Variants in RSPH10B observed in about 807,000 individuals in gnomAD.
RSPH10B encodes radial spoke head 10 homolog B, also known as radial spoke head 10 homolog B (Chlamydomonas).
A neutral mutation model predicts 52.5 loss-of-function variants in RSPH10B; 7 were observed. The ratio of observed to expected loss-of-function variants is 0.13; its 90% CI spans 0.08 to 0.25. The LOEUF is 0.25. RSPH10B is among the 10% of genes least tolerant of loss of function. The pLI is 1.00. For synonymous variants in RSPH10B, 28 were observed against 193.2 expected (o/e 0.14, Z 7.09); for missense variants, 89 against 542.5 (o/e 0.16, Z 8.30).
At chr7:5,932,343 TGA>T (rs1779820511) in intron 17 of RSPH10B, among the ~76,000 whole-genome samples, 2 of 118,896 alleles carry the variant, frequency 1.7e-5, no homozygotes, top group Non-Finnish European at 3.7e-5. Context: ...ATGAGACCCT[TGA>T]GAGAGAAAAG....
intron 18 of RSPH10B, among the ~76,000 whole-genome samples, chr7:5,927,678 G>C (rs553086420): frequency 6.8e-6 from 1 of 147,058 alleles, no homozygotes; most frequent in Admixed American, 6.8e-5. Context: ...ACTCACCCCT[G>C]TGACCCCAGC....
intron 18 of RSPH10B, among the ~76,000 whole-genome samples, chr7:5,927,071 TGTGTGTG>T (rs1779512992): frequency 3.4e-4 from 9 of 26,554 alleles, no homozygotes; most frequent in African/African-American, 4.6e-4. Flanking sequence ...TGTGTGTATA[TGTGTGTG>T]TGTGTGTGTG....
chr7:5,929,066 T>TGG (rs1168593068), intron 17 of RSPH10B, among the ~76,000 whole-genome samples: 2 of 147,016 alleles, frequency 1.4e-5, no homozygotes, highest in East Asian at 4.5e-4. Context: ...TGGAGTGCAG[T>TGG]GGCATGACCA....
At chr7:5,970,599 C>G (rs1232267527), upstream of RSPH10B, 1 of 143,242 alleles carries the variant, frequency 7.0e-6, no homozygotes, top group Non-Finnish European at 1.5e-5. Context: ...TACGCAGGAC[C>G]GCGGCCTGGG....
chr7:5,927,080 G>GTATATATATATA lies in RSPH10B; in HGVS notation c.2433-533_2433-532insTATATATATATA, dbSNP rs1318346000. Among the ~76,000 whole-genome samples, 1,122 of 131,936 alleles carry GTATATATATATA rather than the reference G, an allele frequency of 8.5e-3. 11 individuals are homozygous for GTATATATATATA. The highest frequency in any genetic ancestry group is 0.03 in the African/African-American group (1,051 of 34,472). 86.6% of individuals were successfully genotyped at this position (131,936 alleles called of 152,430 possible). A position where few individuals can be genotyped will look rare whatever the true frequency, so the allele number is the denominator to read the frequency against. On this transcript the variant is annotated intron_variant, in intron 18 of 18. Transcript: ENST00000337579. The stretch of plus-strand genomic sequence containing the variant: ...TGTGTGTGTGTGTATATGTGTGTGT[G>GTATATATATATA]TGTGTGTGTGTGTGTGTATTTTTTT...
intron 7 of RSPH10B, among the ~76,000 whole-genome samples, chr7:5,955,173 G>C (rs1177010127): frequency 7.9e-6 from 1 of 127,346 alleles, no homozygotes; most frequent in Non-Finnish European, 1.7e-5. Context: ...TCAAAAAAAA[G>C]AAAAAAAAAG....
At chr7:5,927,060 G>GTGTATA (rs1554284532) in intron 18 of RSPH10B, among the ~76,000 whole-genome samples, 2 of 72,688 alleles carry the variant, frequency 2.8e-5, no homozygotes, top group African/African-American at 1.2e-4. Flanking sequence ...ATGTGTGTGT[G>GTGTATA]TGTGTGTATA....
chr7:5,968,393 AAAAAC>A (rs1680609797), upstream of RSPH10B, among the ~76,000 whole-genome samples: 2 of 138,320 alleles, frequency 1.4e-5, no homozygotes, highest in Non-Finnish European at 3.1e-5. Flanking sequence ...CTGTCTCAAA[AAAAAC>A]AAAACAAAAC....
intron 18 of RSPH10B, among the ~76,000 whole-genome samples, chr7:5,927,106 T>C (rs1035374691): frequency 9.0e-6 from 1 of 110,748 alleles, no homozygotes; most frequent in Non-Finnish European, 2.0e-5. Context: ...GTATTTTTTT[T>C]TTTGAGATAG....
At chr7:5,933,835 G>A (rs1007158) in intron 16 of RSPH10B, among the ~76,000 whole-genome samples, 23,812 of 40,100 alleles carry the variant, frequency 0.59, 5,472 homozygotes, top group East Asian at 0.88. Context: ...ACATTTTTTG[G>A]GACGGAATCT....
At chr7:5,947,719 AAAAACAAAAC>A (rs1211393357) in intron 10 of RSPH10B, among the ~76,000 whole-genome samples, 1 of 80,876 alleles carries the variant, frequency 1.2e-5, no homozygotes, top group Non-Finnish European at 2.5e-5. Flanking sequence ...CTGTCTCAAA[AAAAACAAAAC>A]AAAACAAAAC....
intron 18 of RSPH10B, among the ~76,000 whole-genome samples, chr7:5,927,718 T>C (rs1212844752): frequency 6.8e-6 from 1 of 147,350 alleles, no homozygotes; most frequent in Non-Finnish European, 1.5e-5. Flanking sequence ...GGCAGATCAC[T>C]TGAGGTCAGG....
chr7:5,947,657 G>A (rs1780481197), intron 10 of RSPH10B, among the ~76,000 whole-genome samples: 1 of 104,440 alleles, frequency 9.6e-6, no homozygotes, highest in African/African-American at 3.5e-5. Context: ...AGAGGTTGCG[G>A]TGAGCCGAGA....
intron 18 of RSPH10B, among the ~76,000 whole-genome samples, chr7:5,927,550 G>A (rs537013325): frequency 5.5e-5 from 7 of 128,328 alleles, no homozygotes; most frequent in South Asian, 5.0e-4. Context: ...CAGCTCCAGC[G>A]AGAAGCTATC....
intron 11 of RSPH10B, among the ~76,000 whole-genome samples, chr7:5,944,341 TGAGCCGAGATCG>T (rs1780378347): frequency 2.0e-5 from 3 of 150,720 alleles, no homozygotes; most frequent in Non-Finnish European, 4.4e-5. Context: ...GAGGTTGCAG[TGAGCCGAGATCG>T]CGCCACTGCA....
chr7:5,941,658 T>C (rs1240193268), intron 13 of RSPH10B, among the ~76,000 whole-genome samples: 2 of 144,456 alleles, frequency 1.4e-5, no homozygotes, highest in East Asian at 2.0e-4. Context: ...GCAGGAGAAT[T>C]GCTTGAACCC....
chr7:5,956,635 C>G (rs1400619797), intron 6 of RSPH10B, among the ~76,000 whole-genome samples: 2 of 150,206 alleles, frequency 1.3e-5, no homozygotes, highest in African/African-American at 4.9e-5. Flanking sequence ...ATGGCACAAT[C>G]TTGGCTCACT....
At position 5,940,945 on chromosome 7, in the gene RSPH10B, T is replaced by TAATA. The variant is rs1562565236; in HGVS notation, c.1759-2117_1759-2116insTATT. On this transcript the variant is annotated intron_variant, in intron 13 of 18. Coordinates refer to ENST00000337579, the Ensembl canonical transcript of RSPH10B. ...TCAAAATAATAATAATAATAATAAT[T>TAATA]ATTATTATTATTATTATTATTATTA... Among the ~76,000 whole-genome samples, 254 of 60,010 alleles carry TAATA rather than the reference T, an allele frequency of 4.2e-3. 24 individuals carry two copies. The highest frequency in any genetic ancestry group is 0.014 in the African/African-American group (237 of 17,396). 39.4% of individuals were successfully genotyped at this position (60,010 alleles called of 152,430 possible).
intron 13 of RSPH10B, among the ~76,000 whole-genome samples, chr7:5,941,381 G>T (rs1780177625): frequency 7.1e-6 from 1 of 141,678 alleles, no homozygotes; most frequent in Non-Finnish European, 1.6e-5. Flanking sequence ...TATGAAATTT[G>T]TAAAAACACT....
Sources: allele counts gnomAD v4.1 joint callset (sites outside exome capture counted in the v4.1 genomes callset), GRCh38; gene constraint gnomAD v4.1.1; transcripts MANE v1.5; gene names NCBI Gene and HGNC (gene_info 2026-07-23, HGNC 2026-07-21).